The following TOX variants were observed in gnomAD, a reference collection of about 807,000 sequenced individuals.
TOX encodes the protein thymocyte selection-associated high mobility group box protein TOX.
A neutral mutation model predicts 53.7 loss-of-function variants in TOX; 11 were observed. The ratio of observed to expected loss-of-function variants is 0.20; its 90% CI spans 0.13 to 0.34. The LOEUF is 0.34. Among genes scored for constraint, TOX ranks in the 10% least tolerant of loss-of-function variants. TOX has a pLI of 1.00. For missense variants in TOX, 570 were observed against 664.6 expected, an observed-to-expected ratio of 0.86 and a Z score of 1.56; for synonymous variants, 225 against 245.3, an observed-to-expected ratio of 0.92 and a Z score of 0.77.
intron 3 of TOX, among the ~76,000 whole-genome samples, chr8:58,901,473 T>C (rs1811734081): frequency 6.6e-6 from 1 of 152,208 alleles, no homozygotes; most frequent in Non-Finnish European, 1.5e-5. Flanking sequence ...TCTTGAAATC[T>C]TTCATTATGC....
chr8:59,077,972 T>G (rs1398380226), intron 1 of TOX, among the ~76,000 whole-genome samples: 1 of 152,100 alleles, frequency 6.6e-6, no homozygotes, highest in Non-Finnish European at 1.5e-5. Flanking sequence ...ACGTGCGCTG[T>G]TCACAGGGAG....
At chr8:58,870,724 T>G (rs149115174) in intron 3 of TOX, among the ~76,000 whole-genome samples, 2,618 of 151,860 alleles carry the variant, frequency 0.017, 31 homozygotes, top group Non-Finnish European at 0.027. Context: ...CAGAAATAGA[T>G]CCACACAAAT....
intron 2 of TOX, among the ~76,000 whole-genome samples, chr8:58,951,765 C>T (rs1486369094): frequency 6.6e-6 from 1 of 152,200 alleles, no homozygotes; most frequent in Non-Finnish European, 1.5e-5. Context: ...ATCAGGCTAT[C>T]ACATTTGAAT....
intron 6 of TOX, among the ~76,000 whole-genome samples, chr8:58,825,064 A>G (rs777883594): frequency 3.3e-5 from 5 of 152,250 alleles, no homozygotes; most frequent in Admixed American, 1.3e-4. Context: ...CCTTGTCCTA[A>G]TTAAAATGGA....
In TOX at chr8:58,821,373, C is replaced by T. The variant is rs114361783; in HGVS notation, c.1005+5449G>A. 3.7e-3 allele frequency among the ~76,000 whole-genome samples: 570 copies of T among 152,134 alleles called. 6 individuals carry two copies. Among genetic ancestry groups the T allele is most frequent in the African/African-American group, 0.013 (544 of 41,538 alleles). On this transcript the variant is annotated intron_variant, in intron 6 of 8. Transcript: ENST00000361421. The stretch of plus-strand genomic sequence containing the variant: ...CATAGCTTATATTTATTAAGTGCTT[C>T]CTATGTTCAGGATGCTGAGTCATGC...
Position 59,096,291 on chromosome 8 carries a change from C to T in TOX, c.102+22595G>A, listed in dbSNP as rs770962860. On this transcript the variant is annotated intron_variant, in intron 1 of 8. Transcript: ENST00000361421. ...TTAGTGGCCATTTGAGGAGCTTTTG[C>T]TGAATCCTTATTATGCAGAGAATCA... Among the ~76,000 whole-genome samples the T allele has an allele frequency of 2.8e-4, 43 of 152,180 alleles. 1 individual carries two copies. The highest frequency in any genetic ancestry group is 5.6e-4 in the Non-Finnish European group (38 of 68,026).
At chr8:59,105,481 T>C (rs1177733639) in intron 1 of TOX, among the ~76,000 whole-genome samples, 2 of 152,204 alleles carry the variant, frequency 1.3e-5, no homozygotes, top group African/African-American at 2.4e-5. Flanking sequence ...TAAAATAAAA[T>C]AGATTTTTCT....
chr8:58,996,481 G>A (rs551895868), intron 1 of TOX, among the ~76,000 whole-genome samples: 11 of 152,310 alleles, frequency 7.2e-5, no homozygotes, highest in Non-Finnish European at 1.5e-4. Flanking sequence ...TGGTTCTAAT[G>A]AGGCAAGCAA....
At chr8:59,049,546 T>C (rs748538258) in intron 1 of TOX, among the ~76,000 whole-genome samples, 2 of 152,192 alleles carry the variant, frequency 1.3e-5, no homozygotes, top group Non-Finnish European at 2.9e-5. Flanking sequence ...TTTTCGAACA[T>C]TCTTCATTGA....
At chr8:59,060,711 CT>C (rs748613733) in intron 1 of TOX, among the ~76,000 whole-genome samples, 16 of 152,166 alleles carry the variant, frequency 1.1e-4, no homozygotes, top group Non-Finnish European at 2.2e-4. Flanking sequence ...TGTTTTATAC[CT>C]GTCACCTTTT....
intron 1 of TOX, among the ~76,000 whole-genome samples, chr8:59,000,023 G>T (rs564042473): frequency 1.3e-5 from 2 of 152,182 alleles, no homozygotes; most frequent in African/African-American, 4.8e-5. Context: ...TAGGACACTG[G>T]ATATTTAGTC....
At chr8:59,058,872 T>G (rs1286562379) in intron 1 of TOX, among the ~76,000 whole-genome samples, 7 of 152,176 alleles carry the variant, frequency 4.6e-5, no homozygotes, top group Non-Finnish European at 1.0e-4. Context: ...AGAGTTTCTC[T>G]CAATGAAGAA....
At chr8:58,991,158 A>G (rs1813438506) in intron 1 of TOX, among the ~76,000 whole-genome samples, 2 of 152,210 alleles carry the variant, frequency 1.3e-5, no homozygotes, top group Non-Finnish European at 2.9e-5. Flanking sequence ...CCAACACCCC[A>G]TGGTGGGTAA....
At chr8:58,840,152 G>A (rs1004814808) in intron 4 of TOX, among the ~76,000 whole-genome samples, 1 of 152,130 alleles carries the variant, frequency 6.6e-6, no homozygotes, top group African/African-American at 2.4e-5. Flanking sequence ...ATATACCTAA[G>A]CACCGAAAAG....
At chr8:59,025,681 T>C (rs1014730615) in intron 1 of TOX, among the ~76,000 whole-genome samples, 2 of 152,152 alleles carry the variant, frequency 1.3e-5, no homozygotes, top group Non-Finnish European at 2.9e-5. Flanking sequence ...GACTTTCTTC[T>C]TCAAGGCCCA....
At chr8:59,023,791 CCTT>C (rs1170553137) in intron 1 of TOX, among the ~76,000 whole-genome samples, 1 of 152,134 alleles carries the variant, frequency 6.6e-6, no homozygotes, top group Non-Finnish European at 1.5e-5. Flanking sequence ...GGGTTCCTGT[CCTT>C]CTAAAAAAAT....
rs752603891 is a variant in TOX, at chr8:58,816,967, T to G, written c.1006-1243A>C. 4.3e-4 allele frequency among the ~76,000 whole-genome samples: 65 copies of G among 152,192 alleles called. 1 individual carries two copies. Among genetic ancestry groups the G allele is most frequent in the Non-Finnish European group, 7.3e-5 (5 of 68,036 alleles). On this transcript the variant is annotated intron_variant, in intron 6 of 8. Coordinates refer to ENST00000361421, the MANE Select transcript of TOX (RefSeq NM_014729.3). Reference sequence around the variant, plus strand: ...TCTTCAATAATGCAGTCAAGTTTCATGAAAACCACAGTAAGAATGATGCTG... The same window carrying G: ...TCTTCAATAATGCAGTCAAGTTTCAGGAAAACCACAGTAAGAATGATGCTG...
chr8:58,918,715 C>T (rs1238590261), intron 3 of TOX, among the ~76,000 whole-genome samples: 4 of 63,708 alleles, frequency 6.3e-5, no homozygotes. Flanking sequence ...GGCAATCAGG[C>T]AGGAGAAGGA....
chr8:58,954,646 A>C (rs1585922041), intron 2 of TOX, among the ~76,000 whole-genome samples: 1 of 152,338 alleles, frequency 6.6e-6, no homozygotes, highest in East Asian at 1.9e-4. Flanking sequence ...AGGTAAGATG[A>C]GTTCATGAGA....
Sources: gnomAD v4.1 joint callset for allele counts (sites outside exome capture counted in the v4.1 genomes callset) on GRCh38, gnomAD v4.1.1 for gene constraint, MANE v1.5 for transcripts, NCBI Gene and HGNC (gene_info 2026-07-23, HGNC 2026-07-21) for gene names.